Variants in UBE3D observed in about 807,000 individuals in gnomAD.
The protein encoded by UBE3D is ubiquitin protein ligase E3D.
UBE3D carries 48 observed loss-of-function variants against 49.6 expected under a neutral mutation model. The observed-to-expected ratio is 0.97, with a 90% CI of 0.77 to 1.23. The LOEUF is 1.23. UBE3D is among the 50% of genes most tolerant of loss of function. The pLI is 0.00. For synonymous variants in UBE3D, 189 were observed against 174.2 expected, an observed-to-expected ratio of 1.08 and a Z score of -0.67; for missense variants, 452 against 468.4, an observed-to-expected ratio of 0.96 and a Z score of 0.32.
At chr6:83,018,252 C>T (rs1780832180) in intron 8 of UBE3D, 1 of 152,184 alleles carries the variant, frequency 6.6e-6, no homozygotes, top group South Asian at 2.1e-4. Context: ...AAATAACCTG[C>T]TGTTTCCTTT....
intron 5 of UBE3D, among the ~76,000 whole-genome samples, chr6:83,034,934 G>A (rs1782139260): frequency 6.6e-6 from 1 of 152,044 alleles, no homozygotes; most frequent in African/African-American, 2.4e-5. Flanking sequence ...TGTAATCCCA[G>A]CACTTGGAAG....
At chr6:83,063,500 T>C (rs1784311144) in intron 1 of UBE3D, among the ~76,000 whole-genome samples, 1 of 151,002 alleles carries the variant, frequency 6.6e-6, no homozygotes, top group Non-Finnish European at 1.5e-5. Flanking sequence ...GGCATTTATG[T>C]GAGAAAGCTC....
chr6:83,060,139 G>A (rs1197196951), intron 1 of UBE3D, among the ~76,000 whole-genome samples: 1 of 152,122 alleles, frequency 6.6e-6, no homozygotes, highest in African/African-American at 2.4e-5. Flanking sequence ...CACTTTGGGG[G>A]TTAGGGCTTC....
intron 8 of UBE3D, among the ~76,000 whole-genome samples, chr6:83,002,195 T>C (rs1204545618): frequency 1.3e-5 from 2 of 152,200 alleles, no homozygotes; most frequent in East Asian, 3.8e-4. Context: ...TTTTGTTCTA[T>C]TTTCTTTAAT....
At chr6:82,978,427 T>A (rs1392204104) in intron 8 of UBE3D, among the ~76,000 whole-genome samples, 1 of 152,190 alleles carries the variant, frequency 6.6e-6, no homozygotes, top group Non-Finnish European at 1.5e-5. Flanking sequence ...TACAGTATTG[T>A]TAGGATCAGT....
intron 1 of UBE3D, among the ~76,000 whole-genome samples, chr6:83,060,558 G>A (rs1005063284): frequency 2.6e-5 from 4 of 152,142 alleles, no homozygotes; most frequent in East Asian, 1.9e-4. Flanking sequence ...TGGGAGAAGC[G>A]ACATCCAACA....
rs112165079 is a variant in UBE3D at position 83,021,274 on chromosome 6, T to C, written c.846+1179A>G. The stretch of plus-strand genomic sequence containing the variant: ...TGGGCAACATAGCAAGACCTCGTCT[T>C]CACAAAAAATTTAAAAATTGTCTGG... On this transcript the variant is annotated intron_variant, in intron 7 of 9. Coordinates refer to ENST00000369747, the MANE Select transcript of UBE3D (RefSeq NM_198920.3). Among the ~76,000 whole-genome samples the C allele has an allele frequency of 9.6e-3, 1,465 of 152,072 alleles. 21 individuals carry two copies. The highest frequency in any genetic ancestry group is 0.033 in the African/African-American group (1,387 of 41,484).
intron 5 of UBE3D, among the ~76,000 whole-genome samples, chr6:83,026,576 C>T (rs1781476938): frequency 6.6e-6 from 1 of 152,042 alleles, no homozygotes; most frequent in Non-Finnish European, 1.5e-5. Context: ...AATATATAGA[C>T]AGCCATGACA....
At chr6:83,052,946 C>A (rs1013311329) in intron 3 of UBE3D, among the ~76,000 whole-genome samples, 13 of 152,154 alleles carry the variant, frequency 8.5e-5, no homozygotes, top group African/African-American at 2.9e-4. Flanking sequence ...GGTAGAGGCA[C>A]TGGGATGGAG....
chr6:83,023,265 TG>T (rs36018839), intron 6 of UBE3D, among the ~76,000 whole-genome samples: 2 of 152,200 alleles, frequency 1.3e-5, no homozygotes, highest in Non-Finnish European at 2.9e-5. Flanking sequence ...TATTGGTGAC[TG>T]GGTGATAAGA....
At chr6:82,934,002 C>A (rs1447041732) in intron 9 of UBE3D, among the ~76,000 whole-genome samples, 1 of 152,182 alleles carries the variant, frequency 6.6e-6, no homozygotes. Context: ...CAAATCTCAG[C>A]TCAAATTGTA....
intron 9 of UBE3D, among the ~76,000 whole-genome samples, chr6:82,896,017 C>T (rs556802130): frequency 6.6e-6 from 1 of 152,284 alleles, no homozygotes; most frequent in African/African-American, 2.4e-5. Context: ...GTCTTCTTTT[C>T]ATCTGGTTTT....
chr6:82,994,579 G>A (rs1779116021), intron 8 of UBE3D, among the ~76,000 whole-genome samples: 1 of 152,170 alleles, frequency 6.6e-6, no homozygotes, highest in African/African-American at 2.4e-5. Flanking sequence ...GATTCGAGGT[G>A]ACACAGGTTG....
Position 83,057,857 on chromosome 6 carries a change from C to T in UBE3D, c.243G>A (p.Leu81=). 1 of 1,614,162 alleles carries T rather than the reference C, an allele frequency of 6.2e-7. No individual in the cohort carries two copies. The highest frequency in any genetic ancestry group is 1.7e-5 in the Admixed American group (1 of 60,026). ...LQFVVGDGLH[L]RLQTQAKLGT... ...CTAATTTTGCTTGCGTCTGCAGTCG[C>T]AGGTGCAGTCCATCTCCAACAACAA... The change falls in exon 2 of 10, where the codon CTG becomes CTA. Residue 81 remains leucine, a synonymous_variant. Coordinates refer to ENST00000369747, the MANE Select transcript of UBE3D (RefSeq NM_198920.3).
At chr6:82,932,908 C>T (rs1774274147) in intron 9 of UBE3D, among the ~76,000 whole-genome samples, 1 of 152,104 alleles carries the variant, frequency 6.6e-6, no homozygotes, top group Non-Finnish European at 1.5e-5. Context: ...CACAACTTTT[C>T]AATTAATAAA....
intron 9 of UBE3D, among the ~76,000 whole-genome samples, chr6:82,921,730 C>G (rs553144189): frequency 1.3e-5 from 2 of 152,230 alleles, no homozygotes; most frequent in East Asian, 3.9e-4. Flanking sequence ...ACTAACAGTC[C>G]TCTATGCAGG....
chr6:82,972,677 A>T lies in UBE3D; in HGVS notation c.1011-15227T>A, dbSNP rs75619224. 2.6e-5 allele frequency among the ~76,000 whole-genome samples: 4 copies of T among 152,362 alleles called. No individual in the cohort carries two copies. In the East Asian group the frequency reaches 7.7e-4, roughly 29 times the overall value. ...CATAATTCTACAAATTTAAATGTAC[A>T]TAAAAATATAGCTTGGTGTTCTTTG... On this transcript the variant is annotated intron_variant, in intron 8 of 9. Coordinates refer to ENST00000369747, the MANE Select transcript of UBE3D (RefSeq NM_198920.3).
At chr6:82,903,536 A>C (rs150494927) in intron 9 of UBE3D, among the ~76,000 whole-genome samples, 175 of 152,254 alleles carry the variant, frequency 1.1e-3, no homozygotes, top group African/African-American at 4.1e-3. Flanking sequence ...AGTTCAGTAA[A>C]AACGATTATG....
At chr6:82,967,080 C>G (rs1776994351) in intron 8 of UBE3D, among the ~76,000 whole-genome samples, 1 of 152,134 alleles carries the variant, frequency 6.6e-6, no homozygotes, top group Non-Finnish European at 1.5e-5. Flanking sequence ...ATGATTTACT[C>G]TGTCGAGCTG....
Sources: allele counts gnomAD v4.1 joint callset (sites outside exome capture counted in the v4.1 genomes callset), GRCh38; gene constraint gnomAD v4.1.1; transcripts MANE v1.5; gene names NCBI Gene and HGNC (gene_info 2026-07-23, HGNC 2026-07-21).